The following KCNS1 variants were observed in gnomAD, a reference collection of about 807,000 sequenced individuals.
KCNS1 encodes the protein delayed-rectifier potassium channel regulatory subunit KCNS1.
In KCNS1, 26 loss-of-function variants were observed where a neutral mutation model predicts 33.1. The observed-to-expected ratio is 0.79, with a 90% confidence interval of 0.58 to 1.09. The LOEUF (loss-of-function observed/expected upper bound fraction) is 1.09, where lower values mean the gene tolerates loss of function less well. Ranked by LOEUF, KCNS1 falls within the 50% of genes least tolerant of loss-of-function variation. The pLI is 0.00. For synonymous variants in KCNS1, 299 were observed against 338.8 expected (o/e 0.88, Z 1.29); for missense variants, 702 against 752.4 (o/e 0.93, Z 0.78).
At chr20:45,097,519 T>C (rs1387847635) in intron 3 of KCNS1, 143 bp downstream of exon 3, 1 of 756,350 alleles carries the variant, frequency 1.3e-6, no homozygotes, top group Admixed American at 2.6e-5. Context: ...GTACACCTGG[T>C]GTGCAGCCCT....
chr20:45,095,373 G>A (rs1285460640), intron 3 of KCNS1, 33 bp from the exon 4 acceptor site: 6 of 1,577,420 alleles, frequency 3.8e-6, no homozygotes, highest in East Asian at 2.3e-5. Context: ...AAGTCAGAGT[G>A]GATGGGCTTA....
chr20:45,094,847 C>T lies in KCNS1; in HGVS notation c.*23G>A. Reference sequence around the variant, plus strand: ...AGGAATCTCTACTGTAGGGGCATGGCAGGGGGTCACGGATCCCTGGTTTTA... The same window carrying T: ...AGGAATCTCTACTGTAGGGGCATGGTAGGGGGTCACGGATCCCTGGTTTTA... On this transcript the variant is annotated 3_prime_UTR_variant, in exon 4 of 4. Transcript: ENST00000537075. 1.1e-5 allele frequency: 17 copies of T among 1,572,828 alleles called. No homozygotes were observed. Among genetic ancestry groups the T allele is most frequent in the Non-Finnish European group, 1.5e-5 (17 of 1,152,454 alleles).
At position 45,093,698 on chromosome 20, in the gene KCNS1, G is replaced by C. The variant is rs1305170707; in HGVS notation, c.*1172C>G. The C allele has an allele frequency of 6.6e-6, 1 of 152,466 alleles. No homozygotes were observed. The highest frequency in any genetic ancestry group is 1.5e-5 in the Non-Finnish European group (1 of 68,270). The allele number at this position is 152,466 out of a possible 1,614,324, so 9.4% of individuals were successfully genotyped here. A position where few individuals can be genotyped will look rare whatever the true frequency, so the allele number is the denominator to read the frequency against. On this transcript the variant is annotated 3_prime_UTR_variant, in exon 4 of 4. Coordinates refer to ENST00000537075, the MANE Select transcript of KCNS1 (RefSeq NM_001322799.2). ...ATATGCCCCCAGCAAGGGTGAGGGG[G>C]CTGGAGCTGGCCAGAAGGGAGAGGA...
At position 45,097,831 on chromosome 20, in the gene KCNS1, A is replaced by C; in HGVS notation, c.941T>G (p.Leu314Arg). 6.2e-7 allele frequency: 1 copy of C among 1,613,768 alleles called. No individual in the cohort carries two copies. Among genetic ancestry groups the C allele is most frequent in the Admixed American group, 1.7e-5 (1 of 60,022 alleles). ...AGCCAGCAGCGTGAGATAGAAGGGC[A>C]GCACAGACACAATGTCGATGAGGTT... ...PLNLIDIVSV[L>R]PFYLTLLAGV... Residue 314 changes from leucine to arginine, a missense_variant, in exon 3 of 4, where the codon CTG becomes CGG. Leu to Arg is a moderately radical substitution (Grantham distance 102). This residue lies in a region of KCNS1 where 253 missense variants were observed against 327.4 expected (regional missense o/e 0.77). Coordinates refer to ENST00000537075, the MANE Select transcript of KCNS1 (RefSeq NM_001322799.2).
chr20:45,098,280 C>A lies in KCNS1; in HGVS notation c.492G>T (p.Pro164=), dbSNP rs1329612247. ...TGTCGCTGTCCTCGTCCCAGGCGTG[C>A]GGCTGGGTCAGCCGCCTCTCCAGGT... ...ARYLERRLTQ[P]HAWDEDSDTP... The change falls in exon 3 of 4, where the codon CCG becomes CCT. Residue 164 remains proline, a synonymous_variant. Transcript: ENST00000537075. This position sits in a 1 kb window ranked among gnomAD's most constrained non-coding sequence, Gnocchi z 5.2. 2 of 1,584,176 alleles carry A rather than the reference C, an allele frequency of 1.3e-6. No individual in the cohort carries two copies. Among genetic ancestry groups the A allele is most frequent in the African/African-American group, 1.3e-5 (1 of 74,510 alleles).
rs1981092416 is a variant in KCNS1, at chr20:45,094,127, T to A, written c.*743A>T. 1.3e-5 allele frequency: 2 copies of A among 152,188 alleles called. No homozygotes were observed. Among genetic ancestry groups the A allele is most frequent in the South Asian group, 4.1e-4 (2 of 4,822 alleles). The allele number at this position is 152,188 out of a possible 1,614,324, so 9.4% of individuals were successfully genotyped here. ...CGGAAGATTATTGCTTAGCAAATCT[T>A]GCATACCAGCTAAAGAGGCAAGTAC... is the stretch of plus-strand genomic sequence containing the variant. On this transcript the variant is annotated 3_prime_UTR_variant, in exon 4 of 4. Transcript: ENST00000537075.
Position 45,098,420 on chromosome 20 carries a change from A to G in KCNS1, c.352T>C (p.Tyr118His). 6.3e-7 allele frequency: 1 copy of G among 1,597,330 alleles called. No homozygotes were observed. Among genetic ancestry groups the G allele is most frequent in the Non-Finnish European group, 8.5e-7 (1 of 1,172,532 alleles). ...PGFFLSLLHFYRTGHLHVLDE... is the reference protein window; with the variant it reads ...PGFFLSLLHFHRTGHLHVLDE... The stretch of plus-strand genomic sequence containing the variant: ...AGCACGTGCAGGTGGCCAGTGCGGT[A>G]GAAGTGCAGCAGGCTCAGGAAGAAG... The change falls in exon 3 of 4, where the codon TAC (tyrosine) becomes CAC (histidine). Residue 118 changes from tyrosine to histidine, a missense_variant. Transcript: ENST00000537075. The surrounding 1 kb of genome is among the most constrained non-coding windows in gnomAD (Gnocchi z 5.2).
Position 45,097,710 on chromosome 20 carries a change from C to G in KCNS1, c.1062G>C (p.Lys354Asn), listed in dbSNP as rs1981229834. ...GCAGCCCGGTGGAATGGCGCGCCAA[C>G]TTGAGTACGCGGAAGATGCGCATGA... ...FRLMRIFRVL[K>N]LARHSTGLRS... The change falls in exon 3 of 4, where the codon AAG (lysine) becomes AAC (asparagine). Residue 354 changes from lysine (K) to asparagine (N), a missense_variant. This residue lies in a region of KCNS1 where 253 missense variants were observed against 327.4 expected (regional missense o/e 0.77). Coordinates refer to ENST00000537075, the MANE Select transcript of KCNS1 (RefSeq NM_001322799.2). 1.2e-6 allele frequency: 2 copies of G among 1,611,156 alleles called. No homozygotes were observed. The highest frequency in any genetic ancestry group is 1.7e-6 in the Non-Finnish European group (2 of 1,179,910).
rs1488448925 is a variant in KCNS1 at position 45,091,352 on chromosome 20, A to T, written c.*3518T>A. Among the ~76,000 whole-genome samples, 1 of 152,142 alleles carries T rather than the reference A, an allele frequency of 6.6e-6. No homozygotes were observed. The highest frequency in any genetic ancestry group is 1.5e-5 in the Non-Finnish European group (1 of 68,032). ...AAGTGAAATCAGACTCTCTCCTGGGATTGGAACTGTGAGCAGGATGATACA... is the reference window on the plus strand; with the variant it reads ...AAGTGAAATCAGACTCTCTCCTGGGTTTGGAACTGTGAGCAGGATGATACA... On this transcript the variant is annotated 3_prime_UTR_variant, in exon 4 of 4. Coordinates refer to ENST00000537075, the MANE Select transcript of KCNS1 (RefSeq NM_001322799.2).
At position 45,097,974 on chromosome 20, in the gene KCNS1, C is replaced by A. The variant is rs1439528841; in HGVS notation, c.798G>T (p.Val266=). ...AVAAGRSPEG[V]RDDPVLRRLE... ...GGCGTCGCAGCACCGGGTCGTCGCG[C>A]ACGCCTTCCGGGCTGCGGCCCGCGG... Residue 266 remains valine, a synonymous_variant, in exon 3 of 4, where the codon GTG becomes GTT. Coordinates refer to ENST00000537075, the MANE Select transcript of KCNS1 (RefSeq NM_001322799.2). The A allele has an allele frequency of 6.4e-7, 1 of 1,551,742 alleles. No individual in the cohort carries two copies. The highest frequency in any genetic ancestry group is 2.5e-5 in the East Asian group (1 of 40,798).
At position 45,098,540 on chromosome 20, in the gene KCNS1, G is replaced by T. The variant is rs948459284; in HGVS notation, c.232C>A (p.Arg78Ser). 5.0e-6 allele frequency: 7 copies of T among 1,408,568 alleles called. No homozygotes were observed. In the Admixed American group the frequency reaches 1.5e-4, roughly 31 times the overall value. 87.3% of individuals were successfully genotyped at this position (1,408,568 alleles called of 1,614,324 possible). Residue 78 changes from arginine (R) to serine (S), a missense_variant, in exon 3 of 4, where the codon CGC becomes AGC. Arg to Ser is a moderately radical substitution (Grantham distance 110). Around this residue, in one of 3 missense-constraint regions of KCNS1, gnomAD observed 374 missense variants for 352.3 expected, o/e 1.06. Transcript: ENST00000537075. The surrounding 1 kb of genome is among the most constrained non-coding windows in gnomAD (Gnocchi z 5.2). Reference sequence around the variant, plus strand: ...TCCTCCGACGCCGCGGCCTGCAGGCGGCCCAGCCGCGTGCCCGGGAAGCGC... The same window carrying T: ...TCCTCCGACGCCGCGGCCTGCAGGCTGCCCAGCCGCGTGCCCGGGAAGCGC... ...LARFPGTRLG[R>S]LQAAASEEQA...
chr20:45,095,775 C>T (rs1013089997), intron 3 of KCNS1, among the ~76,000 whole-genome samples: 10 of 152,200 alleles, frequency 6.6e-5, no homozygotes, highest in Non-Finnish European at 1.5e-4. Context: ...GCTGAGAGGA[C>T]ATAAGTCCCC....
At position 45,097,962 on chromosome 20, in the gene KCNS1, C is replaced by T. The variant is rs761577755; in HGVS notation, c.810G>A (p.Pro270=). The T allele has an allele frequency of 4.5e-6, 7 of 1,557,668 alleles. No individual in the cohort carries two copies. In the Admixed American group the frequency reaches 1.2e-4, roughly 26 times the overall value. ...AGAAGTACTCGAGGCGTCGCAGCAC[C>T]GGGTCGTCGCGCACGCCTTCCGGGC... ...GRSPEGVRDD[P]VLRRLEYFCI... is the part of the protein sequence containing the mutation. Residue 270 remains proline, a synonymous_variant, in exon 3 of 4, where the codon CCG becomes CCA. Coordinates refer to ENST00000537075, the MANE Select transcript of KCNS1 (RefSeq NM_001322799.2).
intron 3 of KCNS1, 72 bp downstream of exon 3, chr20:45,097,590 A>T: frequency 7.0e-7 from 1 of 1,434,218 alleles, no homozygotes; most frequent in South Asian, 1.3e-5. Flanking sequence ...GCAGGCTTGT[A>T]AGTTCACCTG....
chr20:45,097,727 T>G lies in KCNS1; in HGVS notation c.1045A>C (p.Ile349Leu), dbSNP rs1388954988. ...KVVQVFRLMR[I>L]FRVLKLARHS... ...CGCGCCAACTTGAGTACGCGGAAGA[T>G]GCGCATGAGGCGGAACACCTGCACC... Residue 349 changes from isoleucine to leucine, a missense_variant, in exon 3 of 4, where the codon ATC (isoleucine) becomes CTC (leucine). Transcript: ENST00000537075. 3 of 1,612,270 alleles carry G rather than the reference T, an allele frequency of 1.9e-6. No homozygotes were observed. The highest frequency in any genetic ancestry group is 2.5e-6 in the Non-Finnish European group (3 of 1,179,982).
chr20:45,100,373 A>G (rs577373674), intron 1 of KCNS1: 2 of 152,384 alleles, frequency 1.3e-5, no homozygotes, highest in Admixed American at 1.3e-4. Context: ...TGCATTTGGC[A>G]TCAAAAAATG....
In KCNS1 at chr20:45,094,584, T is replaced by G. The variant is rs2145510763; in HGVS notation, c.*286A>C. The G allele has an allele frequency of 2.9e-6, 1 of 341,386 alleles. No homozygotes were observed. Among genetic ancestry groups the G allele is most frequent in the Non-Finnish European group, 5.4e-6 (1 of 185,514 alleles). 21.1% of individuals were successfully genotyped at this position (341,386 alleles called of 1,614,324 possible). On this transcript the variant is annotated 3_prime_UTR_variant, in exon 4 of 4. Coordinates refer to ENST00000537075, the MANE Select transcript of KCNS1 (RefSeq NM_001322799.2). The stretch of plus-strand genomic sequence containing the variant: ...CATGACCTGGTTCATGTACAGGAGG[T>G]GCTCAGGAATCATTAGTATCCTTTC...
In KCNS1 at chr20:45,098,716, C is replaced by G. The variant is rs748626741; in HGVS notation, c.77-21G>C. ...CCTCCCTGCGGACACCAGAAGGGCG[C>G]GCTGAGGAGTTCCCGGGCTTCCCTT... On this transcript the variant is annotated intron_variant, in intron 2 of 3. Transcript: ENST00000537075. This position sits in a 1 kb window ranked among gnomAD's most constrained non-coding sequence, Gnocchi z 5.2. 16 of 1,372,790 alleles carry G rather than the reference C, an allele frequency of 1.2e-5. No individual in the cohort carries two copies. Among genetic ancestry groups the G allele is most frequent in the Non-Finnish European group, 1.5e-5 (16 of 1,063,264 alleles). The allele number at this position is 1,372,790 out of a possible 1,614,324, so 85.0% of individuals were successfully genotyped here.
At position 45,094,498 on chromosome 20, in the gene KCNS1, T is replaced by C. The variant is rs1981106873; in HGVS notation, c.*372A>G. 1 of 183,954 alleles carries C rather than the reference T, an allele frequency of 5.4e-6. No homozygotes were observed. Among genetic ancestry groups the C allele is most frequent in the Non-Finnish European group, 1.1e-5 (1 of 87,924 alleles). The allele number at this position is 183,954 out of a possible 1,614,324, so 11.4% of individuals were successfully genotyped here. A position where few individuals can be genotyped will look rare whatever the true frequency, so the allele number is the denominator to read the frequency against. On this transcript the variant is annotated 3_prime_UTR_variant, in exon 4 of 4. Coordinates refer to ENST00000537075, the MANE Select transcript of KCNS1 (RefSeq NM_001322799.2). ...TCTGGGAGAGGCATCGCTCATCTCT[T>C]AGCCTTGGTTTCCTCATCTGTGAAG...
Sources: gnomAD v4.1 joint callset for allele counts (sites outside exome capture counted in the v4.1 genomes callset) on GRCh38, gnomAD v4.1.1 for gene constraint, gnomAD v4.1.1 regional missense constraint, Gnocchi (gnomAD v3.1) non-coding constraint, MANE v1.5 for transcripts, NCBI Gene and HGNC (gene_info 2026-07-23, HGNC 2026-07-21) for gene names.